The following ITGBL1 variants were observed in gnomAD, a reference collection of about 807,000 sequenced individuals.
The protein encoded by ITGBL1 is integrin subunit beta like 1.
ITGBL1 carries 51 observed loss-of-function variants against 68.5 expected under a neutral mutation model. That is an observed-to-expected ratio of 0.74 (90% CI 0.59 to 0.94). The LOEUF (loss-of-function observed/expected upper bound fraction) is 0.94. ITGBL1 is among the 40% of genes least tolerant of loss of function. ITGBL1 has a pLI of 0.00. For missense variants in ITGBL1, 649 were observed against 647.4 expected, an observed-to-expected ratio of 1.00 and a Z score of -0.03; for synonymous variants, 209 against 227.3, an observed-to-expected ratio of 0.92 and a Z score of 0.72.
chr13:101,485,790 TCAGAA>T (rs2048694409), intron 2 of ITGBL1, among the ~76,000 whole-genome samples: 1 of 151,646 alleles, frequency 6.6e-6, no homozygotes, highest in African/African-American at 2.4e-5. Context: ...AGACTCTGTC[TCAGAA>T]CAAAACAAAA....
At chr13:101,652,080 T>A (rs1008154053) in intron 7 of ITGBL1, among the ~76,000 whole-genome samples, 7 of 151,914 alleles carry the variant, frequency 4.6e-5, no homozygotes, top group Admixed American at 6.6e-5. Context: ...TGTGACTTTT[T>A]AAAAAAAATT....
chr13:101,538,227 A>G (rs1008323767), intron 2 of ITGBL1, among the ~76,000 whole-genome samples: 4 of 152,118 alleles, frequency 2.6e-5, no homozygotes, highest in Admixed American at 1.3e-4. Flanking sequence ...TTTGCTATTT[A>G]TCAGTGGTGT....
intron 2 of ITGBL1, among the ~76,000 whole-genome samples, chr13:101,520,577 G>A (rs1048361012): frequency 6.2e-4 from 94 of 152,266 alleles, no homozygotes; most frequent in African/African-American, 2.2e-3. Flanking sequence ...TGGAGGTGAT[G>A]GAATCCAATC....
rs1017813425 is a variant in ITGBL1 at position 101,692,035 on chromosome 13, A to G, written c.1016-550A>G. Among the ~76,000 whole-genome samples, 9 of 152,196 alleles carry G rather than the reference A, an allele frequency of 5.9e-5. 1 individual carries two copies. The highest frequency in any genetic ancestry group is 6.5e-5 in the Admixed American group (1 of 15,280). On this transcript the variant is annotated intron_variant, in intron 7 of 10. Transcript: ENST00000376180. ...TTTTAAATTTTAAGACGAGGATAAT[A>G]AAGATATTTAGGTTATGCTCTTTGA...
intron 7 of ITGBL1, among the ~76,000 whole-genome samples, chr13:101,606,153 C>T (rs2030840062): frequency 7.5e-6 from 1 of 133,312 alleles, no homozygotes; most frequent in South Asian, 2.4e-4. Context: ...TGATATACTT[C>T]AGTATATTCT....
intron 3 of ITGBL1, among the ~76,000 whole-genome samples, chr13:101,574,211 G>A (rs1214221019): frequency 1.3e-5 from 2 of 151,972 alleles, no homozygotes; most frequent in African/African-American, 4.8e-5. Flanking sequence ...TCCATGAACT[G>A]CACCTCAGGT....
intron 2 of ITGBL1, among the ~76,000 whole-genome samples, chr13:101,554,569 CT>C (rs1275505862): frequency 3.9e-5 from 6 of 152,214 alleles, no homozygotes; most frequent in African/African-American, 9.7e-5. Context: ...ATGAGCCATG[CT>C]GCGTCTGTGG....
chr13:101,708,509 C>T (rs1164798425), intron 9 of ITGBL1, among the ~76,000 whole-genome samples: 1 of 152,106 alleles, frequency 6.6e-6, no homozygotes, highest in Non-Finnish European at 1.5e-5. Flanking sequence ...AATCCTGTTG[C>T]CAAAGAACCA....
At chr13:101,643,563 G>A (rs188279120) in intron 7 of ITGBL1, among the ~76,000 whole-genome samples, 272 of 152,190 alleles carry the variant, frequency 1.8e-3, no homozygotes, top group South Asian at 2.1e-3. Flanking sequence ...TTAGTATGTT[G>A]GAATAAAGTC....
chr13:101,498,015 G>T (rs1398983237), intron 2 of ITGBL1, among the ~76,000 whole-genome samples: 1 of 152,048 alleles, frequency 6.6e-6, no homozygotes, highest in Non-Finnish European at 1.5e-5. Context: ...AGTAGTGTCT[G>T]GTTCTGTGTT....
intron 6 of ITGBL1, among the ~76,000 whole-genome samples, chr13:101,592,639 C>A (rs2050674307): frequency 6.6e-6 from 1 of 151,994 alleles, no homozygotes; most frequent in African/African-American, 2.4e-5. Context: ...TGACACCCAA[C>A]TGATTTTCAA....
chr13:101,693,697 A>G (rs937075051), intron 8 of ITGBL1, among the ~76,000 whole-genome samples: 3 of 151,914 alleles, frequency 2.0e-5, no homozygotes, highest in East Asian at 3.9e-4. Context: ...TTATCTATCT[A>G]TATCAATCAT....
intron 2 of ITGBL1, among the ~76,000 whole-genome samples, chr13:101,511,328 G>A (rs367687540): frequency 1.3e-5 from 2 of 152,026 alleles, no homozygotes; most frequent in East Asian, 1.9e-4. Flanking sequence ...CAGTACTGTG[G>A]CACACACCCC....
At chr13:101,585,883 T>C (rs1261445235) in intron 6 of ITGBL1, among the ~76,000 whole-genome samples, 11 of 152,208 alleles carry the variant, frequency 7.2e-5, no homozygotes, top group Admixed American at 7.2e-4. Flanking sequence ...ATTCACTCTC[T>C]TGTGAAATCC....
intron 2 of ITGBL1, among the ~76,000 whole-genome samples, chr13:101,483,662 A>G (rs1195159903): frequency 2.0e-5 from 3 of 152,148 alleles, no homozygotes; most frequent in Non-Finnish European, 4.4e-5. Context: ...GATAGGCTTG[A>G]TGTTTGTAAA....
chr13:101,606,112 CTA>C (rs71125009), intron 7 of ITGBL1, among the ~76,000 whole-genome samples: 152 of 125,304 alleles, frequency 1.2e-3, no homozygotes, highest in African/African-American at 3.4e-3. Context: ...CTCTCTCTCT[CTA>C]TATATATATA....
intron 6 of ITGBL1, among the ~76,000 whole-genome samples, chr13:101,595,601 A>G (rs957928747): frequency 2.0e-5 from 3 of 152,202 alleles, no homozygotes; most frequent in East Asian, 1.9e-4. Flanking sequence ...ATATGAAAAA[A>G]GTGCTTAACA....
chr13:101,550,332 A>G (rs1035166736), intron 2 of ITGBL1, among the ~76,000 whole-genome samples: 6 of 152,166 alleles, frequency 3.9e-5, no homozygotes, highest in African/African-American at 1.4e-4. Flanking sequence ...TCTGGGGCAA[A>G]GGTCAGGAAT....
chr13:101,475,287 T>C (rs1222960407), intron 2 of ITGBL1, among the ~76,000 whole-genome samples: 2 of 152,082 alleles, frequency 1.3e-5, no homozygotes, highest in Non-Finnish European at 2.9e-5. Flanking sequence ...AAAAATTCAG[T>C]TGACATACTG....
Sources: allele counts gnomAD v4.1 joint callset (sites outside exome capture counted in the v4.1 genomes callset), GRCh38; gene constraint gnomAD v4.1.1; transcripts MANE v1.5; gene names NCBI Gene and HGNC (gene_info 2026-07-23, HGNC 2026-07-21).